The following MACROD2 variants were observed in gnomAD, a reference collection of about 807,000 sequenced individuals.
The protein encoded by MACROD2 is ADP-ribose glycohydrolase MACROD2.
MACROD2 carries 36 observed loss-of-function variants against 70.4 expected under a neutral mutation model. That is an observed-to-expected ratio of 0.51 (90% CI 0.39 to 0.68). The LOEUF is 0.68. Among genes scored for constraint, MACROD2 ranks in the 30% least tolerant of loss-of-function variants. The probability of loss-of-function intolerance (pLI) is 0.00; values close to 1 mark genes in which losing one functional copy is unlikely to be tolerated. For synonymous variants in MACROD2, 172 were observed against 178.8 expected, an observed-to-expected ratio of 0.96 and a Z score of 0.30; for missense variants, 496 against 538.4, an observed-to-expected ratio of 0.92 and a Z score of 0.78.
At chr20:15,665,109 T>C (rs1250095357) in intron 8 of MACROD2, among the ~76,000 whole-genome samples, 1 of 152,166 alleles carries the variant, frequency 6.6e-6, no homozygotes, top group Non-Finnish European at 1.5e-5. Context: ...GAAGTCTTGA[T>C]TGAGAAGTGA....
chr20:15,351,630 CA>C (rs1329662979), intron 6 of MACROD2, among the ~76,000 whole-genome samples: 1 of 152,132 alleles, frequency 6.6e-6, no homozygotes, highest in Admixed American at 6.6e-5. Context: ...TAGTAGCTTT[CA>C]GTGAGCTCCG....
chr20:15,983,371 G>A (rs2066429856), intron 13 of MACROD2, among the ~76,000 whole-genome samples: 1 of 152,254 alleles, frequency 6.6e-6, no homozygotes, highest in South Asian at 2.1e-4. Flanking sequence ...AAGCACAAGT[G>A]CCACTCTAGT....
intron 5 of MACROD2, among the ~76,000 whole-genome samples, chr20:14,711,845 A>G (rs2071342685): frequency 6.6e-6 from 1 of 152,150 alleles, no homozygotes; most frequent in Admixed American, 6.5e-5. Context: ...TCTGTAAGAG[A>G]ATAGTTTTGA....
chr20:14,376,743 C>T (rs2083374681), intron 3 of MACROD2, among the ~76,000 whole-genome samples: 1 of 136,604 alleles, frequency 7.3e-6, no homozygotes, highest in African/African-American at 2.8e-5. Context: ...GAATGAGAGC[C>T]TGTCTCAAAA....
At chr20:15,668,155 G>A (rs2049927014) in intron 8 of MACROD2, among the ~76,000 whole-genome samples, 1 of 152,054 alleles carries the variant, frequency 6.6e-6, no homozygotes, top group South Asian at 2.1e-4. Flanking sequence ...AGCTACTCGG[G>A]AGGCTGAGGC....
intron 4 of MACROD2, among the ~76,000 whole-genome samples, chr20:14,500,114 A>T (rs1168453678): frequency 6.6e-6 from 1 of 152,162 alleles, no homozygotes; most frequent in African/African-American, 2.4e-5. Context: ...ATTCAGATGT[A>T]TTTCCTACTC....
At chr20:14,490,717 C>T (rs1381411187) in intron 3 of MACROD2, among the ~76,000 whole-genome samples, 1 of 152,038 alleles carries the variant, frequency 6.6e-6, no homozygotes, top group Non-Finnish European at 1.5e-5. Context: ...GTCCAAAATT[C>T]CCTCTAGGAA....
At chr20:15,880,520 A>G (rs1383566260) in intron 9 of MACROD2, among the ~76,000 whole-genome samples, 1 of 151,814 alleles carries the variant, frequency 6.6e-6, no homozygotes, top group African/African-American at 2.4e-5. Context: ...CAAGAGCAGT[A>G]GGCAGTGAGG....
chr20:15,944,976 A>C (rs916826184), intron 12 of MACROD2, among the ~76,000 whole-genome samples: 2 of 152,260 alleles, frequency 1.3e-5, no homozygotes, highest in East Asian at 3.9e-4. Context: ...AGTAAAATAC[A>C]TGGACTAAGA....
chr20:14,494,750 T>C (rs962544080), intron 4 of MACROD2, among the ~76,000 whole-genome samples: 2 of 152,192 alleles, frequency 1.3e-5, no homozygotes, highest in African/African-American at 4.8e-5. Flanking sequence ...TTTCCTAAGT[T>C]ATTTTAGAAA....
chr20:14,901,351 G>A (rs186175393), intron 5 of MACROD2, among the ~76,000 whole-genome samples: 2 of 152,062 alleles, frequency 1.3e-5, no homozygotes, highest in African/African-American at 4.8e-5. Context: ...TTGGTAAAAG[G>A]GAACTTAATG....
intron 5 of MACROD2, among the ~76,000 whole-genome samples, chr20:15,009,293 A>T (rs1314350857): frequency 6.6e-6 from 1 of 152,132 alleles, no homozygotes; most frequent in Admixed American, 6.5e-5. Context: ...CTCCCCAAAG[A>T]AGCCTAAAAC....
At chr20:15,962,243 G>T (rs2066073426) in intron 12 of MACROD2, among the ~76,000 whole-genome samples, 2 of 152,160 alleles carry the variant, frequency 1.3e-5, no homozygotes, top group South Asian at 4.1e-4. Context: ...AAGGAAGAGT[G>T]GGAACATTTA....
chr20:15,676,541 CT>C (rs1201112301), intron 8 of MACROD2, among the ~76,000 whole-genome samples: 1 of 152,180 alleles, frequency 6.6e-6, no homozygotes, highest in Non-Finnish European at 1.5e-5. Flanking sequence ...CATATCTTCC[CT>C]CCCACCCTAC....
At chr20:14,044,996 G>A (rs539041786) in intron 2 of MACROD2, among the ~76,000 whole-genome samples, 2 of 152,350 alleles carry the variant, frequency 1.3e-5, no homozygotes, top group South Asian at 2.1e-4. Context: ...AAGGCCCGGC[G>A]AGAAATTGAG....
chr20:15,630,895 A>T (rs185308043), intron 8 of MACROD2, among the ~76,000 whole-genome samples: 23 of 152,178 alleles, frequency 1.5e-4, no homozygotes, highest in African/African-American at 5.1e-4. Flanking sequence ...TAAAGAGGGG[A>T]CCACAAAATC....
At chr20:15,634,364 T>C (rs1445774601) in intron 8 of MACROD2, among the ~76,000 whole-genome samples, 2 of 152,216 alleles carry the variant, frequency 1.3e-5, no homozygotes, top group Non-Finnish European at 2.9e-5. Flanking sequence ...GCAATTTATT[T>C]AATCAGAAAT....
At chr20:15,785,054 A>C (rs113321464) in intron 8 of MACROD2, among the ~76,000 whole-genome samples, 16,779 of 150,570 alleles carry the variant, frequency 0.11, 1,066 homozygotes, top group Middle Eastern at 0.28. Context: ...CGGGAGGCTG[A>C]GGCAGGAGAA....
At chr20:15,608,069 A>G (rs542555128) in intron 8 of MACROD2, among the ~76,000 whole-genome samples, 4 of 152,348 alleles carry the variant, frequency 2.6e-5, no homozygotes, top group Admixed American at 6.5e-5. Context: ...GGGAAGAGGA[A>G]TATAAAGAAT....
Sources: allele counts gnomAD v4.1 joint callset (sites outside exome capture counted in the v4.1 genomes callset), GRCh38; gene constraint gnomAD v4.1.1; transcripts MANE v1.5; gene names NCBI Gene and HGNC (gene_info 2026-07-23, HGNC 2026-07-21).